The following PGBD5 variants were observed in gnomAD, a reference collection of about 807,000 sequenced individuals.
The protein encoded by PGBD5 is piggyBac transposable element-derived protein 5.
In PGBD5, 14 loss-of-function variants were observed where a neutral mutation model predicts 47.9. That is an observed-to-expected ratio of 0.29 (90% CI 0.19 to 0.46). The LOEUF is 0.46. Among genes scored for constraint, PGBD5 ranks in the 20% least tolerant of loss-of-function variants. PGBD5 has a pLI of 1.00. For missense variants in PGBD5, 635 were observed against 716.0 expected (o/e 0.89, Z 1.29); for synonymous variants, 316 against 306.3 (o/e 1.03, Z -0.33).
chr1:230,333,645 C>T lies in PGBD5; in HGVS notation c.1076-604G>A, dbSNP rs1295357850. Reference sequence around the variant, plus strand: ...CACTGCACCCCAGGAAGCTGTCAGACGGAGCCCCCATCTCCTTGGGGAGCT... The same window carrying T: ...CACTGCACCCCAGGAAGCTGTCAGATGGAGCCCCCATCTCCTTGGGGAGCT... On this transcript the variant is annotated intron_variant, in intron 4 of 6. Coordinates refer to ENST00000391860, the MANE Select transcript of PGBD5 (RefSeq NM_001258311.2). 5.9e-5 allele frequency among the ~76,000 whole-genome samples: 9 copies of T among 152,166 alleles called. No individual in the cohort carries two copies. In the East Asian group the frequency reaches 1.5e-3, roughly 26 times the overall value.
chr1:230,348,232 G>A (rs941824095), intron 3 of PGBD5, among the ~76,000 whole-genome samples: 1 of 152,226 alleles, frequency 6.6e-6, no homozygotes, highest in Non-Finnish European at 1.5e-5. Flanking sequence ...TCATACACTG[G>A]CAGTAGAAGG....
At chr1:230,365,998 G>A (rs542144500) in intron 1 of PGBD5, among the ~76,000 whole-genome samples, 5 of 152,334 alleles carry the variant, frequency 3.3e-5, no homozygotes, top group African/African-American at 1.2e-4. Context: ...ATGACAGCAG[G>A]GCGAATCCTG....
chr1:230,340,434 T>C (rs1191954265), intron 3 of PGBD5, among the ~76,000 whole-genome samples: 2 of 152,110 alleles, frequency 1.3e-5, no homozygotes, highest in Non-Finnish European at 2.9e-5. Context: ...AGTAGCCAGA[T>C]TATAAAACAG....
intron 5 of PGBD5, among the ~76,000 whole-genome samples, chr1:230,326,138 C>T (rs1667113192): frequency 6.6e-6 from 1 of 152,232 alleles, no homozygotes; most frequent in Non-Finnish European, 1.5e-5. Context: ...CAAAAGGAGG[C>T]TGCGCACGGT....
At chr1:230,362,934 CGAGTGGTGA>C (rs1278260459) in intron 1 of PGBD5, among the ~76,000 whole-genome samples, 1 of 151,966 alleles carries the variant, frequency 6.6e-6, no homozygotes, top group African/African-American at 2.4e-5. Context: ...GTGGGTGGGA[CGAGTGGTGA>C]AAGTACAGTG....
chr1:230,361,353 A>T (rs750378454), intron 1 of PGBD5, among the ~76,000 whole-genome samples: 3 of 152,176 alleles, frequency 2.0e-5, no homozygotes, highest in Non-Finnish European at 2.9e-5. Flanking sequence ...GAGGAAGAGG[A>T]GGTGCTGCTT....
intron 1 of PGBD5, among the ~76,000 whole-genome samples, chr1:230,423,245 T>C (rs1431560534): frequency 6.6e-6 from 1 of 152,138 alleles, no homozygotes; most frequent in African/African-American, 2.4e-5. Flanking sequence ...GAATTATAAA[T>C]TTTCCATTAT....
chr1:230,342,384 C>T (rs1045159980), intron 3 of PGBD5, among the ~76,000 whole-genome samples: 3 of 152,190 alleles, frequency 2.0e-5, no homozygotes, highest in Non-Finnish European at 4.4e-5. Context: ...ATCGTAGGGA[C>T]TGGTGATCCT....
intron 1 of PGBD5, among the ~76,000 whole-genome samples, chr1:230,385,176 C>T (rs182702175): frequency 1.8e-5 from 2 of 111,858 alleles, no homozygotes; most frequent in East Asian, 2.7e-4. Flanking sequence ...AGTGTAGATC[C>T]CCCCATAACT....
At chr1:230,361,454 T>C (rs1021168211) in intron 1 of PGBD5, among the ~76,000 whole-genome samples, 20 of 151,736 alleles carry the variant, frequency 1.3e-4, no homozygotes, top group South Asian at 1.3e-3. Context: ...GTCCTTTCCT[T>C]CCCCCACCGC....
intron 1 of PGBD5, among the ~76,000 whole-genome samples, chr1:230,382,247 C>A (rs701170): frequency 0.23 from 35,588 of 152,082 alleles, 5,350 homozygotes; most frequent in Non-Finnish European, 0.32. Flanking sequence ...AAAGCACTCA[C>A]TAATGATTTG....
chr1:230,338,120 A>G (rs937666774), intron 3 of PGBD5, among the ~76,000 whole-genome samples: 2 of 152,358 alleles, frequency 1.3e-5, no homozygotes, highest in East Asian at 3.9e-4. Context: ...CTACATTAAC[A>G]CATGCAGCTC....
intron 1 of PGBD5, among the ~76,000 whole-genome samples, chr1:230,418,394 A>G (rs1198496159): frequency 6.6e-6 from 1 of 152,256 alleles, no homozygotes; most frequent in Non-Finnish European, 1.5e-5. Flanking sequence ...TCTTACAGGT[A>G]AAACAATTAA....
chr1:230,359,181 C>A (rs1462701251), intron 1 of PGBD5, among the ~76,000 whole-genome samples: 2 of 152,080 alleles, frequency 1.3e-5, no homozygotes, highest in Non-Finnish European at 2.9e-5. Context: ...CCTGCCTCAG[C>A]CTCCTGAGTA....
chr1:230,419,920 G>C (rs982984753), intron 1 of PGBD5, among the ~76,000 whole-genome samples: 6 of 152,158 alleles, frequency 3.9e-5, no homozygotes, highest in African/African-American at 1.4e-4. Context: ...GAGGTAAGGA[G>C]TTCAAGACCA....
chr1:230,403,711 A>G (rs1431886862), intron 1 of PGBD5, among the ~76,000 whole-genome samples: 1 of 152,208 alleles, frequency 6.6e-6, no homozygotes, highest in African/African-American at 2.4e-5. Flanking sequence ...CGCTCTGGAC[A>G]CAGAAGAGCC....
chr1:230,405,086 T>C (rs1657269434), intron 1 of PGBD5, among the ~76,000 whole-genome samples: 1 of 151,336 alleles, frequency 6.6e-6, no homozygotes. Flanking sequence ...TCCCAGCTAC[T>C]TGGGAGGCTG....
rs983868150 is a variant in PGBD5 at position 230,357,921 on chromosome 1, A to G, written c.332-600T>C. ...GGGTACTTCTCCGTACAAGGAAGAA[A>G]GCATGCATATACATACATATATATA... On this transcript the variant is annotated intron_variant, in intron 1 of 6. Transcript: ENST00000391860. This position sits in a 1 kb window ranked among gnomAD's most constrained non-coding sequence, Gnocchi z 5.7. 2.0e-5 allele frequency among the ~76,000 whole-genome samples: 3 copies of G among 152,160 alleles called. No individual in the cohort carries two copies. Among genetic ancestry groups the G allele is most frequent in the Non-Finnish European group, 2.9e-5 (2 of 68,020 alleles).
chr1:230,371,552 AG>A (rs1204404637), intron 1 of PGBD5, among the ~76,000 whole-genome samples: 3 of 152,204 alleles, frequency 2.0e-5, no homozygotes, highest in African/African-American at 7.2e-5. Context: ...ATAAACCCAG[AG>A]GCAGTTGTTT....
Sources: gnomAD v4.1 joint callset for allele counts (sites outside exome capture counted in the v4.1 genomes callset) on GRCh38, gnomAD v4.1.1 for gene constraint, Gnocchi (gnomAD v3.1) non-coding constraint, MANE v1.5 for transcripts, NCBI Gene and HGNC (gene_info 2026-07-23, HGNC 2026-07-21) for gene names.